Variants in NT5C2 observed in about 807,000 individuals in gnomAD.
The protein encoded by NT5C2 is 5'-nucleotidase, cytosolic II.
In NT5C2, 58 loss-of-function variants were observed where a neutral mutation model predicts 76.1. The observed-to-expected ratio is 0.76, with a 90% CI of 0.62 to 0.95. The LOEUF (loss-of-function observed/expected upper bound fraction) is 0.95, where lower values mean the gene tolerates loss of function less well. Ranked by LOEUF, NT5C2 falls within the 40% of genes least tolerant of loss-of-function variation. NT5C2 has a pLI of 0.00. For synonymous variants in NT5C2, 229 were observed against 237.4 expected (o/e 0.96, Z 0.32); for missense variants, 478 against 690.3 (o/e 0.69, Z 3.45).
chr10:103,098,738 C>A, intron 10 of NT5C2, 193 bp downstream of exon 10: 1 of 525,802 alleles, frequency 1.9e-6, no homozygotes, highest in Non-Finnish European at 3.4e-6. Flanking sequence ...AGTCTTCTTG[C>A]CTATCAAGAA....
intron 3 of NT5C2, among the ~76,000 whole-genome samples, chr10:103,148,088 G>A (rs1210916419): frequency 6.6e-6 from 1 of 152,026 alleles, no homozygotes; most frequent in Non-Finnish European, 1.5e-5. Context: ...AGTATTATAG[G>A]TAAGAACTTT....
At chr10:103,175,574 G>C (rs1262517455) in intron 2 of NT5C2, 3 of 204,350 alleles carry the variant, frequency 1.5e-5, no homozygotes, top group African/African-American at 4.7e-5. Flanking sequence ...AGAGCTCCAA[G>C]GCTCCTCGGA....
At chr10:103,147,379 T>C (rs1212638734) in intron 3 of NT5C2, among the ~76,000 whole-genome samples, 1 of 152,242 alleles carries the variant, frequency 6.6e-6, no homozygotes, top group African/African-American at 2.4e-5. Context: ...AAGGCTTTGT[T>C]TATATTCTTT....
In NT5C2 at chr10:103,138,430, T is replaced by G. The variant is rs186204202; in HGVS notation, c.175+976A>C. Among the ~76,000 whole-genome samples, 216 of 152,276 alleles carry G rather than the reference T, an allele frequency of 1.4e-3. 7 individuals carry two copies. The highest frequency in any genetic ancestry group is 0.013 in the Admixed American group (206 of 15,288). On this transcript the variant is annotated intron_variant, in intron 4 of 18. Transcript: ENST00000404739. The stretch of plus-strand genomic sequence containing the variant: ...TTTGTCCTAATGCTCTCCCTCCCTT[T>G]GCCTCTCACCCCCCGACAAGCCTCA...
rs757640692 is a variant in NT5C2 at position 103,093,242 on chromosome 10, G to A, written c.1056C>T (p.His352=). Residue 352 remains histidine, a synonymous_variant, in exon 15 of 19, where the codon CAC becomes CAT. Coordinates refer to ENST00000404739, the MANE Select transcript of NT5C2 (RefSeq NM_001351169.2). The part of the protein sequence containing the change: ...KGKDILYIGD[H]IFGDILKSKK... ...TTGATTTTAAAATGTCCCCAAAAATGTGATCTCCAATATACAAAATGTCTT... is the reference window on the plus strand; with the variant it reads ...TTGATTTTAAAATGTCCCCAAAAATATGATCTCCAATATACAAAATGTCTT... 1.3e-5 allele frequency: 21 copies of A among 1,611,906 alleles called. No individual in the cohort carries two copies. The highest frequency in any genetic ancestry group is 1.7e-5 in the Non-Finnish European group (20 of 1,179,052).
intron 8 of NT5C2, chr10:103,100,536 T>G: frequency 2.6e-6 from 1 of 386,482 alleles, no homozygotes; most frequent in Non-Finnish European, 5.1e-6. Flanking sequence ...CAGTATTGGC[T>G]ATATAATTCT....
At chr10:103,094,102 C>T in intron 13 of NT5C2, 64 bp from the exon 14 acceptor site, 1 of 1,302,106 alleles carries the variant, frequency 7.7e-7, no homozygotes, top group South Asian at 1.2e-5. Context: ...CCTCACCCCA[C>T]AACCCTCCCA....
Position 103,106,664 on chromosome 10 carries a change from G to A in NT5C2, c.218C>T (p.Thr73Ile), listed in dbSNP as rs1475459121. 5 of 1,613,740 alleles carry A rather than the reference G, an allele frequency of 3.1e-6. No individual in the cohort carries two copies. In the East Asian group the frequency reaches 1.1e-4, roughly 36 times the overall value. The change falls in exon 5 of 19, where the codon ACT becomes ATT. Residue 73 changes from threonine to isoleucine, a missense_variant. Thr to Ile is a moderately conservative substitution (Grantham distance 89, BLOSUM62 -1). Coordinates refer to ENST00000404739, the MANE Select transcript of NT5C2 (RefSeq NM_001351169.2). ...GCCAATAGAAACTAATCTCTCCACAGTAAGCTCAAAACCAAGGGACTCATA... is the reference window on the plus strand; with the variant it reads ...GCCAATAGAAACTAATCTCTCCACAATAAGCTCAAAACCAAGGGACTCATA... ...PEYESLGFEL[T>I]VERLVSIGYP...
Position 103,089,493 on chromosome 10 carries a change from T to G in NT5C2, c.*179A>C. 1 of 1,150,620 alleles carries G rather than the reference T, an allele frequency of 8.7e-7. No individual in the cohort carries two copies. The highest frequency in any genetic ancestry group is 1.2e-6 in the Non-Finnish European group (1 of 851,070). The allele number at this position is 1,150,620 out of a possible 1,614,324, so 71.3% of individuals were successfully genotyped here. A position where few individuals can be genotyped will look rare whatever the true frequency, so the allele number is the denominator to read the frequency against. On this transcript the variant is annotated 3_prime_UTR_variant, in exon 19 of 19. Transcript: ENST00000404739. ...ACAATTTTGGACCATCTGCAGAGAG[T>G]ACAGATACACAAAACCAAAACAAGT...
At chr10:103,108,863 T>C (rs2072139362) in intron 4 of NT5C2, among the ~76,000 whole-genome samples, 2 of 152,092 alleles carry the variant, frequency 1.3e-5, no homozygotes, top group South Asian at 4.1e-4. Context: ...TCTTTTTCTT[T>C]TTCTTTTTTT....
chr10:103,114,196 C>T (rs1260714329), intron 4 of NT5C2, among the ~76,000 whole-genome samples: 1 of 152,106 alleles, frequency 6.6e-6, no homozygotes, highest in East Asian at 1.9e-4. Context: ...GGGCGGATCA[C>T]GAGGTAAGGA....
chr10:103,098,293 C>T (rs571818379), intron 10 of NT5C2: 2 of 258,582 alleles, frequency 7.7e-6, no homozygotes, highest in Admixed American at 5.8e-5. Context: ...ATACTATTAA[C>T]CACAGATTTT....
intron 3 of NT5C2, among the ~76,000 whole-genome samples, chr10:103,168,094 A>G (rs964816602): frequency 6.7e-6 from 1 of 150,094 alleles, no homozygotes; most frequent in African/African-American, 2.5e-5. Flanking sequence ...CTGGAAGCCT[A>G]AACTGCAACT....
intron 2 of NT5C2, chr10:103,175,539 C>T: frequency 5.4e-6 from 1 of 184,576 alleles, no homozygotes; most frequent in Admixed American, 5.5e-5. Context: ...GGCTACCCCC[C>T]AGCAGACCCC....
In NT5C2 at chr10:103,089,708, T is replaced by A. The variant is rs760841185; in HGVS notation, c.1650A>T (p.Glu550Asp). 6.8e-6 allele frequency: 11 copies of A among 1,611,772 alleles called. No individual in the cohort carries two copies. Among genetic ancestry groups the A allele is most frequent in the Non-Finnish European group, 9.3e-6 (11 of 1,179,018 alleles). The change falls in exon 19 of 19, where the codon GAA (glutamate) becomes GAT (aspartate). Residue 550 changes from glutamate (E) to aspartate (D), a missense_variant. Transcript: ENST00000404739. The part of the protein sequence containing the change: ...APQEITHCHD[E>D]DDDEEEEEEE... Reference sequence around the variant, plus strand: ...CCTCCTCCTCCTCTTCATCATCATCTTCGTCATGGCAGTGTGTAATTTCCT... The same window carrying A: ...CCTCCTCCTCCTCTTCATCATCATCATCGTCATGGCAGTGTGTAATTTCCT...
chr10:103,114,008 G>A (rs1278168142), intron 4 of NT5C2, among the ~76,000 whole-genome samples: 1 of 152,218 alleles, frequency 6.6e-6, no homozygotes, highest in Non-Finnish European at 1.5e-5. Context: ...TCTAGAGGAG[G>A]AAGTGGCTAC....
At chr10:103,157,141 T>C (rs144996191) in intron 3 of NT5C2, among the ~76,000 whole-genome samples, 106 of 149,920 alleles carry the variant, frequency 7.1e-4, no homozygotes, top group Admixed American at 1.4e-3. Flanking sequence ...AAAAATTAGA[T>C]CAATAGAATG....
intron 3 of NT5C2, chr10:103,153,338 AG>A: frequency 7.8e-7 from 1 of 1,278,238 alleles, no homozygotes; most frequent in Non-Finnish European, 1.0e-6. Context: ...ATGAGAATAC[AG>A]GATCAACAAA....
At chr10:103,182,673 A>G (rs2091288319) in intron 1 of NT5C2, among the ~76,000 whole-genome samples, 1 of 152,094 alleles carries the variant, frequency 6.6e-6, no homozygotes, top group Non-Finnish European at 1.5e-5. Flanking sequence ...TAAGTTTTAT[A>G]ATCAACCATT....
Sources: allele counts gnomAD v4.1 joint callset (sites outside exome capture counted in the v4.1 genomes callset), GRCh38; gene constraint gnomAD v4.1.1; transcripts MANE v1.5; gene names NCBI Gene and HGNC (gene_info 2026-07-23, HGNC 2026-07-21).